DLC1: variants seen among roughly 807,000 people sequenced by gnomAD.
DLC1 encodes DLC1 Rho GTPase activating protein.
DLC1 carries 54 observed loss-of-function variants against 140.3 expected under a neutral mutation model. The ratio of observed to expected loss-of-function variants is 0.38; its 90% confidence interval spans 0.31 to 0.48. The LOEUF (loss-of-function observed/expected upper bound fraction) is 0.48. DLC1 is among the 20% of genes least tolerant of loss of function. The pLI is 0.96. For missense variants in DLC1, 2,536 were observed against 1,907.0 expected, an observed-to-expected ratio of 1.33 and a Z score of -6.14; for synonymous variants, 986 against 728.1, an observed-to-expected ratio of 1.35 and a Z score of -5.70.
At chr8:13,194,464 C>G (rs983917677) in intron 5 of DLC1, among the ~76,000 whole-genome samples, 1 of 152,132 alleles carries the variant, frequency 6.6e-6, no homozygotes, top group African/African-American at 2.4e-5. Context: ...TCAGGCAGTC[C>G]TGGAGTAAAA....
chr8:13,593,300 C>A (rs1805580552), intron 1 of DLC1, among the ~76,000 whole-genome samples: 1 of 152,152 alleles, frequency 6.6e-6, no homozygotes, highest in African/African-American at 2.4e-5. Context: ...TTCAGTTCTA[C>A]TGGGAATATG....
rs1406214244 is a variant in DLC1 at position 13,514,615 on chromosome 8, A to G, written c.-139T>C. On this transcript the variant is annotated 5_prime_UTR_variant, in exon 1 of 18. Coordinates refer to ENST00000276297, the MANE Select transcript of DLC1 (RefSeq NM_182643.3). The stretch of plus-strand genomic sequence containing the variant: ...ATAGCGTCTTACCTAGACAACGAGG[A>G]GCTGAAACGCCAAGGCATGACACTG... 2.5e-6 allele frequency: 1 copy of G among 398,472 alleles called. No homozygotes were observed. Among genetic ancestry groups the G allele is most frequent in the African/African-American group, 2.1e-5 (1 of 48,634 alleles). 24.7% of individuals were successfully genotyped at this position (398,472 alleles called of 1,614,324 possible).
intron 5 of DLC1, chr8:13,214,316 C>T (rs1828087870): frequency 4.0e-6 from 1 of 248,756 alleles, no homozygotes; most frequent in Admixed American, 4.9e-5. Flanking sequence ...ACCAATTTAG[C>T]ATCCTTACAT....
intron 5 of DLC1, among the ~76,000 whole-genome samples, chr8:13,174,501 T>A (rs1470542062): frequency 6.6e-6 from 1 of 152,216 alleles, no homozygotes; most frequent in Non-Finnish European, 1.5e-5. Context: ...AAGGGTTTCC[T>A]TTTCTCTGCA....
intron 5 of DLC1, among the ~76,000 whole-genome samples, chr8:13,134,032 C>T (rs1213638931): frequency 6.6e-6 from 1 of 152,198 alleles, no homozygotes; most frequent in Non-Finnish European, 1.5e-5. Context: ...CCGAATGCAG[C>T]TCCTGGAACT....
At chr8:13,112,573 G>A (rs1256735480) in intron 6 of DLC1, among the ~76,000 whole-genome samples, 1 of 152,114 alleles carries the variant, frequency 6.6e-6, no homozygotes, top group African/African-American at 2.4e-5. Flanking sequence ...GTCTCTCTTA[G>A]ACAAATGATT....
chr8:13,490,168 T>A (rs187556330), intron 2 of DLC1, among the ~76,000 whole-genome samples: 1 of 152,184 alleles, frequency 6.6e-6, no homozygotes, highest in Admixed American at 6.5e-5. Context: ...ATTTCAATAT[T>A]TTCAAAAATC....
At chr8:13,571,917 G>T (rs1219321423) in intron 1 of DLC1, among the ~76,000 whole-genome samples, 1 of 152,032 alleles carries the variant, frequency 6.6e-6, no homozygotes, top group African/African-American at 2.4e-5. Context: ...TTGTGGAGTG[G>T]CATCTCATTG....
chr8:13,296,424 T>C (rs866093828), intron 5 of DLC1, among the ~76,000 whole-genome samples: 3 of 152,202 alleles, frequency 2.0e-5, no homozygotes, highest in South Asian at 4.1e-4. Flanking sequence ...AGCTGTCTTA[T>C]TGGCCCATAC....
intron 1 of DLC1, among the ~76,000 whole-genome samples, chr8:13,599,298 C>T (rs1353706846): frequency 6.6e-6 from 1 of 151,746 alleles, no homozygotes; most frequent in Admixed American, 6.6e-5. Flanking sequence ...CAATAATGAA[C>T]ATTTGGATAA....
intron 5 of DLC1, among the ~76,000 whole-genome samples, chr8:13,162,421 C>A (rs1824773839): frequency 6.6e-6 from 1 of 152,162 alleles, no homozygotes; most frequent in South Asian, 2.1e-4. Context: ...CTCCCAGGTT[C>A]AAGAGATTTT....
chr8:13,515,896 C>T (rs922938756), upstream of DLC1, among the ~76,000 whole-genome samples: 7 of 152,150 alleles, frequency 4.6e-5, no homozygotes, highest in African/African-American at 1.7e-4. Context: ...AAGCTGAAGT[C>T]GTTTCAGGAA....
At chr8:13,390,279 C>A (rs1293183803) in intron 4 of DLC1, among the ~76,000 whole-genome samples, 1 of 152,146 alleles carries the variant, frequency 6.6e-6, no homozygotes, top group African/African-American at 2.4e-5. Flanking sequence ...CATGCATGCC[C>A]CTGCAAAGGA....
rs1045697583 is a variant in DLC1 at position 13,415,574 on chromosome 8, T to C, written c.1024-13955A>G. On this transcript the variant is annotated intron_variant, in intron 2 of 17. Transcript: ENST00000276297. ...GCCACCACACCCGGCTAGTTTTTTG[T>C]AGTTTTAGTAGAGATGGGGTTTCAC... 3.3e-5 allele frequency among the ~76,000 whole-genome samples: 5 copies of C among 152,120 alleles called. No individual in the cohort carries two copies. In the South Asian group the frequency reaches 8.3e-4, roughly 25 times the overall value.
chr8:13,226,246 T>C (rs541754458), intron 5 of DLC1, among the ~76,000 whole-genome samples: 1 of 152,344 alleles, frequency 6.6e-6, no homozygotes, highest in East Asian at 1.9e-4. Context: ...TACTCTTTGG[T>C]TAATATAATT....
intron 5 of DLC1, among the ~76,000 whole-genome samples, chr8:13,267,384 G>T (rs897792155): frequency 2.2e-4 from 33 of 151,732 alleles, no homozygotes; most frequent in African/African-American, 8.0e-4. Context: ...AGACCTCTAG[G>T]ATATAGTAAT....
At chr8:13,325,449 TACACACACACACAC>T (rs1554497506) in intron 4 of DLC1, among the ~76,000 whole-genome samples, 599 of 38,294 alleles carry the variant, frequency 0.016, 4 homozygotes, top group African/African-American at 0.034. Context: ...TAGTTCTGTA[TACACACACACACAC>T]ACACACACAC....
chr8:13,130,945 G>A (rs1386854901), intron 5 of DLC1, among the ~76,000 whole-genome samples: 5 of 152,208 alleles, frequency 3.3e-5, no homozygotes, highest in Admixed American at 3.3e-4. Context: ...CAAAAAGTAT[G>A]CATCTGCGCT....
At chr8:13,209,813 G>C (rs192786558) in intron 5 of DLC1, among the ~76,000 whole-genome samples, 1 of 152,190 alleles carries the variant, frequency 6.6e-6, no homozygotes, top group Admixed American at 6.5e-5. Context: ...GCTTACTGAG[G>C]CCTTCTCAGA....
Sources: allele counts gnomAD v4.1 joint callset (sites outside exome capture counted in the v4.1 genomes callset), GRCh38; gene constraint gnomAD v4.1.1; transcripts MANE v1.5; gene names NCBI Gene and HGNC (gene_info 2026-07-23, HGNC 2026-07-21).